ACSM2A: variants seen among roughly 807,000 people sequenced by gnomAD.
The protein encoded by ACSM2A is acyl-CoA synthetase medium chain family member 2A, also known as acyl-coenzyme A synthetase ACSM2A, mitochondrial.
ACSM2A carries 72 observed loss-of-function variants against 76.6 expected under a neutral mutation model. The observed-to-expected ratio is 0.94, with a 90% CI of 0.78 to 1.14. ACSM2A has a LOEUF of 1.14. Ranked by LOEUF, ACSM2A falls within the 50% of genes most tolerant of loss-of-function variation. The pLI is 0.00. For synonymous variants in ACSM2A, 249 were observed against 255.9 expected (o/e 0.97, Z 0.26); for missense variants, 684 against 708.5 (o/e 0.97, Z 0.39).
intron 4 of ACSM2A, 124 bp downstream of exon 4, chr16:20,469,843 T>C (rs1312015787): frequency 3.9e-5 from 48 of 1,217,932 alleles, no homozygotes; most frequent in Non-Finnish European, 5.4e-5. Context: ...AGAGTGAAGC[T>C]GGGAAGAAAT....
Position 20,477,350 on chromosome 16 carries a change from T to C in ACSM2A, c.1099-19T>C, listed in dbSNP as rs376875716. ...TACCTCCTCCTGAGGTTTGCTGATCTGTCTGCTTCTTTCCACAGGGATTAA... is the reference window on the plus strand; with the variant it reads ...TACCTCCTCCTGAGGTTTGCTGATCCGTCTGCTTCTTTCCACAGGGATTAA... On this transcript the variant is annotated intron_variant, in intron 8 of 13. Transcript: ENST00000573854. 5.4e-5 allele frequency: 86 copies of C among 1,580,282 alleles called. No individual in the cohort carries two copies. The highest frequency in any genetic ancestry group is 1.2e-4 in the African/African-American group (9 of 73,332).
intron 2 of ACSM2A, among the ~76,000 whole-genome samples, chr16:20,465,153 G>A (rs780069095): frequency 5.3e-5 from 8 of 152,020 alleles, no homozygotes; most frequent in Admixed American, 5.2e-4. Context: ...GGGAATTGCA[G>A]AATAAATAGA....
chr16:20,460,027 T>C, intron 1 of ACSM2A, 80 bp from the exon 2 acceptor site: 1 of 1,447,028 alleles, frequency 6.9e-7, no homozygotes, highest in East Asian at 2.5e-5. Flanking sequence ...AAGGTTGGGA[T>C]GAATCTCCTG....
intron 3 of ACSM2A, among the ~76,000 whole-genome samples, chr16:20,468,613 G>A (rs946718563): frequency 1.3e-5 from 2 of 152,148 alleles, no homozygotes; most frequent in African/African-American, 4.8e-5. Flanking sequence ...ACCCTCCTTG[G>A]CCTCCCAAAA....
intron 1 of ACSM2A, among the ~76,000 whole-genome samples, chr16:20,452,709 G>A (rs1456770669): frequency 5.4e-5 from 8 of 149,188 alleles, no homozygotes; most frequent in Non-Finnish European, 1.2e-4. Context: ...ATTAAGGATG[G>A]AGTTCTTTTG....
chr16:20,458,892 T>TTATATATATATGCATATATATATATA (rs1321048748), intron 1 of ACSM2A, among the ~76,000 whole-genome samples: 106 of 111,138 alleles, frequency 9.5e-4, no homozygotes, highest in African/African-American at 3.0e-3. Flanking sequence ...ATAGTATATA[T>TTATATATATATGCATATATATATATA]TATATATATA....
rs1232817581 is a variant in ACSM2A at position 20,458,494 on chromosome 16, CATA to C, written c.-8-1609_-8-1607del. Among the ~76,000 whole-genome samples, 13 of 142,534 alleles carry C rather than the reference CATA, an allele frequency of 9.1e-5. No individual in the cohort carries two copies. The East Asian group carries it at 1.0e-3, about 11-fold the overall frequency. The allele number at this position is 142,534 out of a possible 152,430, so 93.5% of individuals were successfully genotyped here. ...ATAGTATATGTATTATTATATAATA[CATA>C]ATATTACATTATATATTATATAATG... On this transcript the variant is annotated intron_variant, in intron 1 of 13. Coordinates refer to ENST00000573854, the MANE Select transcript of ACSM2A (RefSeq NM_001308172.2).
chr16:20,464,228 G>A (rs35451113), intron 2 of ACSM2A, among the ~76,000 whole-genome samples: 225 of 152,114 alleles, frequency 1.5e-3, no homozygotes, highest in Middle Eastern at 3.4e-3. Context: ...CAAACTCTTC[G>A]ATTTCTTCCC....
At chr16:20,466,869 C>A (rs2013030830) in intron 3 of ACSM2A, among the ~76,000 whole-genome samples, 2 of 152,162 alleles carry the variant, frequency 1.3e-5, no homozygotes, top group South Asian at 2.1e-4. Flanking sequence ...CTCCATGACT[C>A]CTGAACTATA....
chr16:20,462,435 T>C (rs1194709818), intron 2 of ACSM2A, among the ~76,000 whole-genome samples: 1 of 152,186 alleles, frequency 6.6e-6, no homozygotes, highest in African/African-American at 2.4e-5. Context: ...GTTAGCTTGG[T>C]CTATGCCCAG....
At position 20,454,003 on chromosome 16, in the gene ACSM2A, C is replaced by G. The variant is rs1196057768; in HGVS notation, c.-9+2322C>G. The G allele has an allele frequency of 1.7e-5, 2 of 117,556 alleles. 1 individual carries two copies. The highest frequency in any genetic ancestry group is 7.7e-5 in the African/African-American group (2 of 25,900). 7.3% of individuals were successfully genotyped at this position (117,556 alleles called of 1,614,324 possible). A position where few individuals can be genotyped will look rare whatever the true frequency, so the allele number is the denominator to read the frequency against. ...AGGACATAGACCCTCATCAGTAATT[C>G]TAATTTTGCCTTTGCCTTGTGATCT... is the stretch of plus-strand genomic sequence containing the variant. On this transcript the variant is annotated intron_variant, in intron 1 of 13. Coordinates refer to ENST00000573854, the MANE Select transcript of ACSM2A (RefSeq NM_001308172.2).
rs2013321516 is a variant in ACSM2A, at chr16:20,470,559, A to ATGCC, written c.597-510_597-507dup. 3.9e-5 allele frequency among the ~76,000 whole-genome samples: 6 copies of ATGCC among 152,294 alleles called. No individual in the cohort carries two copies. In the South Asian group the frequency reaches 1.2e-3, roughly 32 times the overall value. ...AGCTGTCATGGAAATAAACACCATCATGCCTGCTTTTAAAGGCTCAAAATC... is the reference window on the plus strand; with the variant it reads ...AGCTGTCATGGAAATAAACACCATCATGCCTGCCTGCTTTTAAAGGCTCAAAATC... On this transcript the variant is annotated intron_variant, in intron 4 of 13. Coordinates refer to ENST00000573854, the MANE Select transcript of ACSM2A (RefSeq NM_001308172.2).
intron 9 of ACSM2A, among the ~76,000 whole-genome samples, chr16:20,478,053 C>G (rs1477185092): frequency 1.3e-5 from 2 of 152,184 alleles, no homozygotes; most frequent in African/African-American, 2.4e-5. Context: ...AGACTCTATT[C>G]AGTGTCATAT....
At chr16:20,474,970 C>T (rs1312340126) in intron 6 of ACSM2A, among the ~76,000 whole-genome samples, 1 of 152,112 alleles carries the variant, frequency 6.6e-6, no homozygotes, top group Non-Finnish European at 1.5e-5. Flanking sequence ...ATAAAGCTGG[C>T]TACAGAAAGT....
intron 13 of ACSM2A, among the ~76,000 whole-genome samples, chr16:20,485,644 G>C (rs1028994207): frequency 6.6e-6 from 1 of 152,218 alleles, no homozygotes; most frequent in Non-Finnish European, 1.5e-5. Flanking sequence ...TATTTTGCCT[G>C]CAGGCCATAG....
At position 20,460,273 on chromosome 16, in the gene ACSM2A, C is replaced by T. The variant is rs570717949; in HGVS notation, c.159C>T (p.His53=). 8.8e-5 allele frequency: 142 copies of T among 1,613,632 alleles called. 1 individual carries two copies. In the East Asian group the frequency reaches 3.1e-3, roughly 35 times the overall value. ...ACTTTGCTAGTGATGTGTTGGATCA[C>T]TGGGCTGACATGGAGAAGGTAATGG... ...KFNFASDVLD[H]WADMEKAGKR... is the part of the protein sequence containing the mutation. The change falls in exon 2 of 14, where the codon CAC becomes CAT. Residue 53 remains histidine, a synonymous_variant. Transcript: ENST00000573854.
rs140125882 is a variant in ACSM2A, at chr16:20,470,563, C to A, written c.597-510C>A. Among the ~76,000 whole-genome samples, 264 of 152,260 alleles carry A rather than the reference C, an allele frequency of 1.7e-3. 2 individuals are homozygous for A. Among genetic ancestry groups the A allele is most frequent in the Middle Eastern group, 0.017 (5 of 294 alleles). ...GTCATGGAAATAAACACCATCATGC[C>A]TGCTTTTAAAGGCTCAAAATCAGGA... On this transcript the variant is annotated intron_variant, in intron 4 of 13. Coordinates refer to ENST00000573854, the MANE Select transcript of ACSM2A (RefSeq NM_001308172.2).
intron 2 of ACSM2A, 150 bp downstream of exon 2, chr16:20,460,441 T>G: frequency 2.1e-6 from 3 of 1,463,086 alleles, no homozygotes; most frequent in Non-Finnish European, 2.7e-6. Flanking sequence ...ATGAAGGCAG[T>G]ATGGTATGGG....
At chr16:20,473,225 T>G (rs2013525169) in intron 6 of ACSM2A, among the ~76,000 whole-genome samples, 2 of 152,166 alleles carry the variant, frequency 1.3e-5, no homozygotes, top group Admixed American at 6.6e-5. Context: ...GTGATCTGGA[T>G]TTTCATAGGA....
Sources: gnomAD v4.1 joint callset for allele counts (sites outside exome capture counted in the v4.1 genomes callset) on GRCh38, gnomAD v4.1.1 for gene constraint, MANE v1.5 for transcripts, NCBI Gene and HGNC (gene_info 2026-07-23, HGNC 2026-07-21) for gene names.